Variants in JAZF1 observed in about 807,000 individuals in gnomAD.
The protein encoded by JAZF1 is JAZF zinc finger 1, also known as juxtaposed with another zinc finger protein 1.
JAZF1 carries 8 observed loss-of-function variants against 26.4 expected under a neutral mutation model. The observed-to-expected ratio is 0.30, with a 90% CI of 0.18 to 0.55. The LOEUF (loss-of-function observed/expected upper bound fraction) is 0.55, where lower values mean the gene tolerates loss of function less well. JAZF1 is among the 20% of genes least tolerant of loss of function. The pLI, the probability that JAZF1 is intolerant of heterozygous loss-of-function variation, is 0.94. For missense variants in JAZF1, 199 were observed against 322.0 expected, an observed-to-expected ratio of 0.62 and a Z score of 2.92; for synonymous variants, 126 against 122.3, an observed-to-expected ratio of 1.03 and a Z score of -0.20.
At chr7:27,860,932 C>T (rs1204604935) in intron 3 of JAZF1, among the ~76,000 whole-genome samples, 2 of 152,122 alleles carry the variant, frequency 1.3e-5, no homozygotes, top group African/African-American at 2.4e-5. Flanking sequence ...CCTTCTACTC[C>T]AGAACCACCC....
intron 2 of JAZF1, chr7:27,913,387 C>A: frequency 2.2e-6 from 1 of 459,172 alleles, no homozygotes; most frequent in Non-Finnish European, 4.5e-6. Context: ...ACCAGAAGGC[C>A]ATACCTTTTG....
chr7:27,976,116 G>A (rs550308753), intron 2 of JAZF1, among the ~76,000 whole-genome samples: 46 of 152,206 alleles, frequency 3.0e-4, no homozygotes, highest in African/African-American at 9.6e-4. Flanking sequence ...AGGCCAAGGC[G>A]GGCGGATCAC....
chr7:27,974,560 A>T (rs1473682450), intron 2 of JAZF1, among the ~76,000 whole-genome samples: 1 of 152,168 alleles, frequency 6.6e-6, no homozygotes, highest in Admixed American at 6.5e-5. Context: ...GGTTGGAAAG[A>T]TTGCATTTGA....
chr7:28,119,961 C>T (rs1784811834), intron 1 of JAZF1, among the ~76,000 whole-genome samples: 1 of 152,130 alleles, frequency 6.6e-6, no homozygotes, highest in South Asian at 2.1e-4. Flanking sequence ...GCCTAACAAG[C>T]CCCTACCATG....
intron 1 of JAZF1, among the ~76,000 whole-genome samples, chr7:28,038,770 A>T (rs954708347): frequency 1.4e-4 from 21 of 152,240 alleles, no homozygotes; most frequent in African/African-American, 5.1e-4. Flanking sequence ...ATAAGAAAGT[A>T]GGAAACTACA....
At chr7:28,090,191 T>C (rs1406185316) in intron 1 of JAZF1, among the ~76,000 whole-genome samples, 1 of 152,246 alleles carries the variant, frequency 6.6e-6, no homozygotes, top group Non-Finnish European at 1.5e-5. Flanking sequence ...ACCTACCTCA[T>C]CGGACTATAG....
chr7:28,134,240 T>C (rs1453763204), intron 1 of JAZF1, among the ~76,000 whole-genome samples: 1 of 152,194 alleles, frequency 6.6e-6, no homozygotes, highest in Non-Finnish European at 1.5e-5. Flanking sequence ...CCAATAATCA[T>C]CTCCAACTAA....
intron 2 of JAZF1, among the ~76,000 whole-genome samples, chr7:27,956,468 G>T (rs143362686): frequency 2.0e-5 from 3 of 152,300 alleles, no homozygotes; most frequent in South Asian, 2.1e-4. Context: ...GCCATGGTTA[G>T]TCAATGCCCT....
At chr7:28,107,607 A>C (rs995560826) in intron 1 of JAZF1, among the ~76,000 whole-genome samples, 1 of 152,214 alleles carries the variant, frequency 6.6e-6, no homozygotes, top group African/African-American at 2.4e-5. Flanking sequence ...ATGGCAGACC[A>C]ACAGAAACAA....
At chr7:28,107,250 CAG>C (rs1784567594) in intron 1 of JAZF1, among the ~76,000 whole-genome samples, 1 of 152,152 alleles carries the variant, frequency 6.6e-6, no homozygotes, top group African/African-American at 2.4e-5. Context: ...TCATCATGGG[CAG>C]AGTTTTACAA....
At chr7:27,957,555 C>T (rs1307847610) in intron 2 of JAZF1, among the ~76,000 whole-genome samples, 2 of 152,158 alleles carry the variant, frequency 1.3e-5, no homozygotes, top group Non-Finnish European at 2.9e-5. Context: ...AAACGGAGCA[C>T]TTTGGTTACC....
chr7:28,139,762 T>G (rs1782935570), intron 1 of JAZF1, among the ~76,000 whole-genome samples: 1 of 152,214 alleles, frequency 6.6e-6, no homozygotes. Context: ...ACTCAATAAT[T>G]CGTTCATTTA....
At chr7:28,159,817 C>T (rs367744400) in intron 1 of JAZF1, among the ~76,000 whole-genome samples, 4 of 152,254 alleles carry the variant, frequency 2.6e-5, no homozygotes, top group Admixed American at 6.5e-5. Context: ...TGCATAAAAA[C>T]GGGGAGTCTA....
chr7:27,906,680 A>G (rs1784263868), intron 2 of JAZF1, among the ~76,000 whole-genome samples: 1 of 152,254 alleles, frequency 6.6e-6, no homozygotes. Flanking sequence ...TGCCAAGAAT[A>G]AAAAACACTT....
At chr7:28,111,798 T>C (rs953533860) in intron 1 of JAZF1, among the ~76,000 whole-genome samples, 1 of 152,204 alleles carries the variant, frequency 6.6e-6, no homozygotes, top group Non-Finnish European at 1.5e-5. Context: ...TGCATGCATG[T>C]GCATGTGTGT....
intron 4 of JAZF1, among the ~76,000 whole-genome samples, chr7:27,836,965 T>A (rs113240659): frequency 2.8e-4 from 42 of 149,216 alleles, no homozygotes; most frequent in African/African-American, 1.0e-3. Context: ...ACACACACAC[T>A]CTCTCTCTCA....
At chr7:27,956,212 G>A (rs1583479656) in intron 2 of JAZF1, among the ~76,000 whole-genome samples, 2 of 152,136 alleles carry the variant, frequency 1.3e-5, no homozygotes, top group African/African-American at 2.4e-5. Flanking sequence ...AGGGAGGAAC[G>A]TAGTGGAGGG....
At chr7:27,927,981 G>A (rs947851855) in intron 2 of JAZF1, among the ~76,000 whole-genome samples, 4 of 152,106 alleles carry the variant, frequency 2.6e-5, no homozygotes, top group Admixed American at 6.5e-5. Flanking sequence ...GCAACATGAG[G>A]TCATATAACT....
rs141900872 is a variant in JAZF1, at chr7:28,030,758, T to TTAAA, written c.116-38778_116-38777insTTTA. Among the ~76,000 whole-genome samples the TTAAA allele has an allele frequency of 5.2e-3, 792 of 152,342 alleles. 4 individuals are homozygous for TTAAA. The highest frequency in any genetic ancestry group is 0.014 in the Middle Eastern group (4 of 294). ...TTTGTGTTGGTTTAAAACTTAAACT[T>TTAAA]TAATGTCTCTCTCTCTTTTGGTTTA... On this transcript the variant is annotated intron_variant, in intron 1 of 4. Coordinates refer to ENST00000283928, the MANE Select transcript of JAZF1 (RefSeq NM_175061.4).
Sources: gnomAD v4.1 joint callset for allele counts (sites outside exome capture counted in the v4.1 genomes callset) on GRCh38, gnomAD v4.1.1 for gene constraint, MANE v1.5 for transcripts, NCBI Gene and HGNC (gene_info 2026-07-23, HGNC 2026-07-21) for gene names.